Variants in RCOR1 observed in about 807,000 individuals in gnomAD.
RCOR1 encodes the protein REST corepressor 1, also known as REST corepressor.
RCOR1 carries 12 observed loss-of-function variants against 64.0 expected under a neutral mutation model. The observed-to-expected ratio is 0.19, with a 90% CI of 0.12 to 0.30. The LOEUF (loss-of-function observed/expected upper bound fraction) is 0.30. Among genes scored for constraint, RCOR1 ranks in the 10% least tolerant of loss-of-function variants. The pLI is 1.00. For missense variants in RCOR1, 502 were observed against 621.2 expected, an observed-to-expected ratio of 0.81 and a Z score of 2.04; for synonymous variants, 279 against 227.2, an observed-to-expected ratio of 1.23 and a Z score of -2.05.
At chr14:102,625,601 T>A (rs1446391515) in intron 2 of RCOR1, among the ~76,000 whole-genome samples, 1 of 151,840 alleles carries the variant, frequency 6.6e-6, no homozygotes, top group Non-Finnish European at 1.5e-5. Context: ...AACTCCTGGC[T>A]TCAAGCAATC....
At chr14:102,671,307 G>C (rs747614155) in intron 2 of RCOR1, among the ~76,000 whole-genome samples, 1 of 152,104 alleles carries the variant, frequency 6.6e-6, no homozygotes, top group Non-Finnish European at 1.5e-5. Context: ...TAGGGGAGGG[G>C]GTTATGAGAA....
Position 102,697,594 on chromosome 14 carries a change from T to C in RCOR1, c.446-3684T>C, listed in dbSNP as rs947229323. On this transcript the variant is annotated intron_variant, in intron 3 of 11. Coordinates refer to ENST00000262241, the MANE Select transcript of RCOR1 (RefSeq NM_015156.4). ...TACAGGTTAGAGGGCTCCTGGTACATTAACTTACTTCATCACAACCTTCCG... is the reference window on the plus strand; with the variant it reads ...TACAGGTTAGAGGGCTCCTGGTACACTAACTTACTTCATCACAACCTTCCG... Among the ~76,000 whole-genome samples the C allele has an allele frequency of 4.6e-5, 7 of 152,334 alleles. No homozygotes were observed. The South Asian group carries it at 1.4e-3, about 32-fold the overall frequency.
At chr14:102,675,068 AAAAG>A (rs1388951504) in intron 2 of RCOR1, among the ~76,000 whole-genome samples, 4 of 151,488 alleles carry the variant, frequency 2.6e-5, no homozygotes, top group African/African-American at 7.3e-5. Flanking sequence ...AAAAAAAAAA[AAAAG>A]TCAACTTTAA....
At chr14:102,685,586 G>C (rs1365567011) in intron 3 of RCOR1, among the ~76,000 whole-genome samples, 2 of 151,636 alleles carry the variant, frequency 1.3e-5, no homozygotes, top group South Asian at 2.1e-4. Flanking sequence ...GGGCTCAAGA[G>C]AGTCTCCTGC....
In RCOR1 at chr14:102,598,735, G is replaced by A. The variant is rs368767304; in HGVS notation, c.361+5410G>A. 1.7e-3 allele frequency among the ~76,000 whole-genome samples: 263 copies of A among 152,072 alleles called. 5 individuals carry two copies. The highest frequency in any genetic ancestry group is 1.4e-3 in the East Asian group (7 of 5,180). ...AGTGCTGGGATTACAGGCGTGAGCC[G>A]CCACGCCTGGCCCTGATTCAGTTCT... On this transcript the variant is annotated intron_variant, in intron 2 of 11. Transcript: ENST00000262241.
chr14:102,606,177 C>T (rs944087565), intron 2 of RCOR1, among the ~76,000 whole-genome samples: 13 of 152,266 alleles, frequency 8.5e-5, no homozygotes, highest in African/African-American at 1.4e-4. Context: ...CTGCCTGCTT[C>T]GGCCTCCGAA....
chr14:102,605,218 CTCT>C (rs1470042186), intron 2 of RCOR1, among the ~76,000 whole-genome samples: 3 of 152,064 alleles, frequency 2.0e-5, no homozygotes, highest in Non-Finnish European at 4.4e-5. Context: ...AGTTACATTC[CTCT>C]TCTTCCTGGC....
rs367748253 is a variant in RCOR1 at position 102,714,090 on chromosome 14, C to G, written c.859-333C>G. The stretch of plus-strand genomic sequence containing the variant: ...TAGCTAAATACAGATGTGTGTGTGG[C>G]CACAAAACTCATTAGCAGAGAATAC... On this transcript the variant is annotated intron_variant, in intron 7 of 11. Coordinates refer to ENST00000262241, the MANE Select transcript of RCOR1 (RefSeq NM_015156.4). 5.9e-5 allele frequency among the ~76,000 whole-genome samples: 9 copies of G among 152,150 alleles called. No homozygotes were observed. The East Asian group carries it at 1.5e-3, about 26-fold the overall frequency.
chr14:102,655,487 A>T lies in RCOR1; in HGVS notation c.362-26408A>T, dbSNP rs1272882463. ...ATCACAGTATTTTCCTATGTTTTTTATAGTCTTAATTTTTAAGCACTGCTT... is the reference window on the plus strand; with the variant it reads ...ATCACAGTATTTTCCTATGTTTTTTTTAGTCTTAATTTTTAAGCACTGCTT... On this transcript the variant is annotated intron_variant, in intron 2 of 11. Coordinates refer to ENST00000262241, the MANE Select transcript of RCOR1 (RefSeq NM_015156.4). 1.9e-5 allele frequency: 19 copies of T among 980,206 alleles called. 1 individual carries two copies. The highest frequency in any genetic ancestry group is 1.2e-6 in the Non-Finnish European group (1 of 825,378). The allele number at this position is 980,206 out of a possible 1,614,324, so 60.7% of individuals were successfully genotyped here. A position where few individuals can be genotyped will look rare whatever the true frequency, so the allele number is the denominator to read the frequency against.
intron 2 of RCOR1, among the ~76,000 whole-genome samples, chr14:102,676,333 C>CG (rs1209550174): frequency 4.4e-5 from 6 of 136,430 alleles, no homozygotes; most frequent in Admixed American, 2.1e-4. Flanking sequence ...GCTGGCCGGG[C>CG]GGGGGGCTGA....
intron 2 of RCOR1, chr14:102,659,078 T>TTC (rs1181504291): frequency 8.3e-6 from 8 of 960,392 alleles, no homozygotes; most frequent in Non-Finnish European, 9.9e-6. Context: ...TTATTTGAAA[T>TTC]TCTCCCACGA....
chr14:102,696,072 T>G (rs1895641960), intron 3 of RCOR1, among the ~76,000 whole-genome samples: 1 of 152,116 alleles, frequency 6.6e-6, no homozygotes, highest in Non-Finnish European at 1.5e-5. Context: ...GCCGAACCTT[T>G]AGGAAGCATT....
At chr14:102,628,380 C>T (rs1353485031) in intron 2 of RCOR1, among the ~76,000 whole-genome samples, 1 of 152,154 alleles carries the variant, frequency 6.6e-6, no homozygotes, top group Non-Finnish European at 1.5e-5. Flanking sequence ...CTTCACTTGA[C>T]ATTTAGAACA....
intron 4 of RCOR1, among the ~76,000 whole-genome samples, chr14:102,704,769 A>G (rs1895817051): frequency 6.6e-6 from 1 of 152,188 alleles, no homozygotes; most frequent in African/African-American, 2.4e-5. Context: ...ATAGTCCCAC[A>G]TGTGGTCATC....
chr14:102,710,858 C>T, intron 6 of RCOR1, 77 bp from the exon 7 acceptor site: 2 of 971,400 alleles, frequency 2.1e-6, no homozygotes, highest in South Asian at 2.9e-5. Context: ...ACAAAATTTT[C>T]AGTTAAATCA....
intron 2 of RCOR1, among the ~76,000 whole-genome samples, chr14:102,605,092 A>T (rs1160915783): frequency 6.6e-6 from 1 of 150,574 alleles, no homozygotes; most frequent in Non-Finnish European, 1.5e-5. Context: ...AAAAAAAAGG[A>T]AAAGAAAAAA....
At chr14:102,721,873 G>A (rs557238877) in intron 10 of RCOR1, among the ~76,000 whole-genome samples, 8 of 152,262 alleles carry the variant, frequency 5.3e-5, no homozygotes, top group African/African-American at 1.9e-4. Flanking sequence ...AGCTTTAAAG[G>A]TTGGGGGTGC....
Position 102,714,355 on chromosome 14 carries a change from T to A in RCOR1, c.859-68T>A. 2.9e-6 allele frequency: 3 copies of A among 1,027,510 alleles called. No individual in the cohort carries two copies. The South Asian group carries it at 6.2e-5, about 21-fold the overall frequency. The allele number at this position is 1,027,510 out of a possible 1,614,324, so 63.6% of individuals were successfully genotyped here. ...TTGTTTTGGTGCCATGTTAAGGAAA[T>A]AAATATGTTTATTACTGATCATTTG... On this transcript the variant is annotated intron_variant, in intron 7 of 11. Coordinates refer to ENST00000262241, the MANE Select transcript of RCOR1 (RefSeq NM_015156.4).
chr14:102,707,873 C>T (rs1895886485), intron 5 of RCOR1, among the ~76,000 whole-genome samples: 1 of 152,098 alleles, frequency 6.6e-6, no homozygotes, highest in Non-Finnish European at 1.5e-5. Flanking sequence ...ACTGCAACCT[C>T]CGCCTCCCGG....
Sources: allele counts gnomAD v4.1 joint callset (sites outside exome capture counted in the v4.1 genomes callset), GRCh38; gene constraint gnomAD v4.1.1; transcripts MANE v1.5; gene names NCBI Gene and HGNC (gene_info 2026-07-23, HGNC 2026-07-21).